LHFPL3: variants seen among roughly 807,000 people sequenced by gnomAD.
LHFPL3 encodes the protein LHFPL tetraspan subfamily member 3 protein.
A neutral mutation model predicts 19.3 loss-of-function variants in LHFPL3; 5 were observed. The ratio of observed to expected loss-of-function variants is 0.26; its 90% CI spans 0.14 to 0.54. LHFPL3 has a LOEUF of 0.54. LHFPL3 is among the 20% of genes least tolerant of loss of function. The pLI, the probability that LHFPL3 is intolerant of heterozygous loss-of-function variation, is 0.94. For synonymous variants in LHFPL3, 133 were observed against 126.2 expected (o/e 1.05, Z -0.36); for missense variants, 249 against 307.4 (o/e 0.81, Z 1.42).
chr7:104,858,801 T>C (rs1791558621), intron 2 of LHFPL3, among the ~76,000 whole-genome samples: 1 of 152,172 alleles, frequency 6.6e-6, no homozygotes, highest in Non-Finnish European at 1.5e-5. Context: ...GTCTGTCAAT[T>C]ACTTTTTTTT....
chr7:104,468,761 C>G (rs1483975199), intron 1 of LHFPL3, among the ~76,000 whole-genome samples: 1 of 151,036 alleles, frequency 6.6e-6, no homozygotes, highest in Non-Finnish European at 1.5e-5. Flanking sequence ...CGGGTTCAAG[C>G]AATTCTCCTG....
chr7:104,634,758 T>C (rs900335170), intron 1 of LHFPL3, among the ~76,000 whole-genome samples: 1 of 152,222 alleles, frequency 6.6e-6, no homozygotes. Flanking sequence ...GAAGGCCAGC[T>C]GGCTATCCTG....
intron 1 of LHFPL3, among the ~76,000 whole-genome samples, chr7:104,589,245 G>T (rs1420591759): frequency 1.3e-4 from 20 of 152,016 alleles, no homozygotes; most frequent in Admixed American, 1.3e-3. Flanking sequence ...ATTGGCTGTG[G>T]GTTTGTCATA....
intron 1 of LHFPL3, among the ~76,000 whole-genome samples, chr7:104,460,441 AGTT>A (rs1415117457): frequency 6.6e-6 from 1 of 152,158 alleles, no homozygotes; most frequent in African/African-American, 2.4e-5. Context: ...TTTCTACAAT[AGTT>A]GAATGAATTT....
intron 1 of LHFPL3, among the ~76,000 whole-genome samples, chr7:104,567,502 G>A (rs1790146742): frequency 6.6e-6 from 1 of 152,222 alleles, no homozygotes; most frequent in Non-Finnish European, 1.5e-5. Flanking sequence ...AGCATCAGGT[G>A]AGCACCTGGA....
rs565747381 is a variant in LHFPL3 at position 104,404,751 on chromosome 7, C to A, written c.445+75527C>A. ...GAAAAATTCAGGTGAATTGGTGGTACCTTTCTTGCTAATAACCAGACACCT... is the reference window on the plus strand; with the variant it reads ...GAAAAATTCAGGTGAATTGGTGGTAACTTTCTTGCTAATAACCAGACACCT... On this transcript the variant is annotated intron_variant, in intron 1 of 2. Coordinates refer to ENST00000424859, the MANE Select transcript of LHFPL3 (RefSeq NM_199000.3). Among the ~76,000 whole-genome samples, 13 of 152,206 alleles carry A rather than the reference C, an allele frequency of 8.5e-5. No individual in the cohort carries two copies. In the South Asian group the frequency reaches 2.7e-3, roughly 32 times the overall value.
intron 2 of LHFPL3, among the ~76,000 whole-genome samples, chr7:104,831,858 G>T (rs539992280): frequency 1.4e-4 from 21 of 152,088 alleles, no homozygotes; most frequent in African/African-American, 4.6e-4. Context: ...TTTGGTTAGT[G>T]ACTGAAACCT....
intron 1 of LHFPL3, among the ~76,000 whole-genome samples, chr7:104,556,296 T>C (rs1789830048): frequency 6.6e-6 from 1 of 151,742 alleles, no homozygotes; most frequent in Admixed American, 6.6e-5. Context: ...TCCATGAGGG[T>C]CCCCCCCCTG....
At chr7:104,344,385 T>C (rs889465572) in intron 1 of LHFPL3, among the ~76,000 whole-genome samples, 7 of 152,144 alleles carry the variant, frequency 4.6e-5, no homozygotes, top group Non-Finnish European at 4.4e-5. Flanking sequence ...TTGTGCTCAA[T>C]ATGTAGCTTT....
chr7:104,466,730 C>G (rs1792793341), intron 1 of LHFPL3, among the ~76,000 whole-genome samples: 1 of 152,148 alleles, frequency 6.6e-6, no homozygotes, highest in Non-Finnish European at 1.5e-5. Context: ...ATAATCCCTG[C>G]CTATGGATTA....
intron 1 of LHFPL3, among the ~76,000 whole-genome samples, chr7:104,349,108 T>C (rs1243814419): frequency 6.6e-6 from 1 of 151,942 alleles, no homozygotes; most frequent in Non-Finnish European, 1.5e-5. Flanking sequence ...CATTTATAAA[T>C]GAAGAAAGAA....
chr7:104,830,107 C>T (rs1460872211), intron 2 of LHFPL3, among the ~76,000 whole-genome samples: 2 of 151,944 alleles, frequency 1.3e-5, no homozygotes, highest in East Asian at 1.9e-4. Flanking sequence ...TTTCATGTGT[C>T]TTTTGGCTGC....
At chr7:104,507,260 A>G (rs1793717205) in intron 1 of LHFPL3, among the ~76,000 whole-genome samples, 1 of 149,236 alleles carries the variant, frequency 6.7e-6, no homozygotes, top group South Asian at 2.1e-4. Context: ...CAAAACAGAG[A>G]TATAGATCAA....
chr7:104,782,939 C>A (rs562470558), intron 2 of LHFPL3, among the ~76,000 whole-genome samples: 1 of 152,266 alleles, frequency 6.6e-6, no homozygotes, highest in African/African-American at 2.4e-5. Flanking sequence ...AACACAAGTG[C>A]GCACGCGCGC....
intron 2 of LHFPL3, among the ~76,000 whole-genome samples, chr7:104,793,756 T>C: frequency 6.6e-6 from 1 of 152,222 alleles, no homozygotes; most frequent in East Asian, 1.9e-4. Flanking sequence ...GAAAATCTGA[T>C]GTCAAAATTG....
intron 1 of LHFPL3, among the ~76,000 whole-genome samples, chr7:104,351,920 C>G (rs1790181839): frequency 6.6e-6 from 1 of 152,096 alleles, no homozygotes; most frequent in Admixed American, 6.6e-5. Context: ...ACAACTAGGC[C>G]AGGGGCAGTG....
At chr7:104,534,098 A>G (rs1225875350) in intron 1 of LHFPL3, among the ~76,000 whole-genome samples, 2 of 152,102 alleles carry the variant, frequency 1.3e-5, no homozygotes, top group African/African-American at 4.8e-5. Context: ...TTTTCCCTGC[A>G]TTATTCAAAC....
chr7:104,516,503 C>A (rs2115789731), intron 1 of LHFPL3, among the ~76,000 whole-genome samples: 1 of 151,590 alleles, frequency 6.6e-6, no homozygotes, highest in South Asian at 2.1e-4. Flanking sequence ...TTTTATTTGC[C>A]AAAATTAATT....
intron 1 of LHFPL3, among the ~76,000 whole-genome samples, chr7:104,429,179 T>C (rs1025635898): frequency 6.6e-6 from 1 of 151,750 alleles, no homozygotes; most frequent in African/African-American, 2.4e-5. Context: ...GGAAAAAAAA[T>C]TAACTTGGGC....
Sources: allele counts gnomAD v4.1 joint callset (sites outside exome capture counted in the v4.1 genomes callset), GRCh38; gene constraint gnomAD v4.1.1; transcripts MANE v1.5; gene names NCBI Gene and HGNC (gene_info 2026-07-23, HGNC 2026-07-21).